IL1RAPL1: variants seen among roughly 807,000 people sequenced by gnomAD.
IL1RAPL1 encodes the protein interleukin-1 receptor accessory protein-like 1.
A neutral mutation model predicts 48.4 loss-of-function variants in IL1RAPL1; 3 were observed. That is an observed-to-expected ratio of 0.06 (90% CI 0.03 to 0.16). The LOEUF (loss-of-function observed/expected upper bound fraction) is 0.16, where lower values mean the gene tolerates loss of function less well. Ranked by LOEUF, IL1RAPL1 falls within the 10% of genes least tolerant of loss-of-function variation. IL1RAPL1 has a pLI of 1.00. For synonymous variants in IL1RAPL1, 185 were observed against 187.7 expected, an observed-to-expected ratio of 0.99 and a Z score of 0.12; for missense variants, 349 against 530.6, an observed-to-expected ratio of 0.66 and a Z score of 3.36.
intron 1 of IL1RAPL1, among the ~76,000 whole-genome samples, chrX:28,728,512 A>T (rs1392194262): frequency 9.0e-6 from 1 of 111,629 alleles, no homozygotes; most frequent in East Asian, 2.8e-4. Flanking sequence ...CTCTAAAAAA[A>T]TTGTTTCTTA....
At chrX:29,340,298 G>A (rs1933055987) in intron 3 of IL1RAPL1, among the ~76,000 whole-genome samples, 1 of 111,140 alleles carries the variant, frequency 9.0e-6, no homozygotes, top group African/African-American at 3.3e-5. Context: ...CTACCCAGGA[G>A]AAGTTGCTGT....
At chrX:28,812,874 T>C (rs752675132) in intron 2 of IL1RAPL1, among the ~76,000 whole-genome samples, 23 of 110,734 alleles carry the variant, frequency 2.1e-4, no homozygotes, top group African/African-American at 7.5e-4. Context: ...CTTGTCACAT[T>C]ACCCAGTTTC....
intron 2 of IL1RAPL1, among the ~76,000 whole-genome samples, chrX:29,085,244 T>A (rs1256071835): frequency 9.0e-6 from 1 of 111,412 alleles, no homozygotes; most frequent in Non-Finnish European, 1.9e-5. Context: ...TTTTGGTCAG[T>A]TGTGAGAAAG....
At chrX:28,619,678 G>A (rs1441510104) in intron 1 of IL1RAPL1, among the ~76,000 whole-genome samples, 1 of 109,801 alleles carries the variant, frequency 9.1e-6, no homozygotes, top group Non-Finnish European at 1.9e-5. Flanking sequence ...CAATGGTTGA[G>A]TGTGTCATAA....
chrX:29,553,629 A>T (rs1240110569), intron 5 of IL1RAPL1, among the ~76,000 whole-genome samples: 1 of 111,535 alleles, frequency 9.0e-6, no homozygotes, highest in Admixed American at 9.6e-5. Flanking sequence ...TTCAGATGGG[A>T]TAAGGCTCTG....
chrX:28,645,616 G>A (rs1934600669), intron 1 of IL1RAPL1, among the ~76,000 whole-genome samples: 1 of 110,711 alleles, frequency 9.0e-6, no homozygotes, highest in Admixed American at 9.7e-5. Context: ...AAGGTAACCC[G>A]GGTCACCATG....
chrX:29,852,668 AT>A lies in IL1RAPL1; in HGVS notation c.779-64789del, dbSNP rs200205187. ...TCATCAGCAACTATCTATATAAACC[AT>A]TTTTTTATAGTCAGTTTTTTCAACA... On this transcript the variant is annotated intron_variant, in intron 6 of 10. Coordinates refer to ENST00000378993, the MANE Select transcript of IL1RAPL1 (RefSeq NM_014271.4). 4.6e-3 allele frequency among the ~76,000 whole-genome samples: 509 copies of A among 111,857 alleles called. 4 individuals are homozygous for A. Among genetic ancestry groups the A allele is most frequent in the African/African-American group, 0.016 (486 of 30,795 alleles).
Position 29,342,119 on chromosome X carries a change from T to TGC in IL1RAPL1, c.363-54138_363-54137insCG, listed in dbSNP as rs1173874512. Among the ~76,000 whole-genome samples, 4 of 92,082 alleles carry TGC rather than the reference T, an allele frequency of 4.3e-5. No homozygotes were observed. The Admixed American group carries it at 4.6e-4, about 11-fold the overall frequency. 80.0% of individuals were successfully genotyped at this position (92,082 alleles called of 115,157 possible). A position where few individuals can be genotyped will look rare whatever the true frequency, so the allele number is the denominator to read the frequency against. On this transcript the variant is annotated intron_variant, in intron 3 of 10. Transcript: ENST00000378993. ...ACTGCACACGGCCTTGTTTTGTGTG[T>TGC]GTGTGTGTGTGTGTGTGTGTGTGTG...
intron 5 of IL1RAPL1, among the ~76,000 whole-genome samples, chrX:29,610,695 G>A (rs1924062412): frequency 8.9e-6 from 1 of 112,351 alleles, no homozygotes; most frequent in African/African-American, 3.2e-5. Flanking sequence ...TTGTGACAGG[G>A]GTGTGACTCG....
At chrX:29,038,987 C>T (rs758533369) in intron 2 of IL1RAPL1, among the ~76,000 whole-genome samples, 3 of 111,533 alleles carry the variant, frequency 2.7e-5, no homozygotes, top group East Asian at 2.8e-4. Flanking sequence ...TACTTATCCC[C>T]GTCTTTAAGA....
chrX:29,214,130 C>G (rs1454031917), intron 2 of IL1RAPL1, among the ~76,000 whole-genome samples: 1 of 111,150 alleles, frequency 9.0e-6, no homozygotes, highest in Non-Finnish European at 1.9e-5. Context: ...AAAATGGTTT[C>G]TATATGTCAA....
intron 5 of IL1RAPL1, among the ~76,000 whole-genome samples, chrX:29,434,439 G>A (rs6628425): frequency 0.47 from 50,854 of 109,181 alleles, 8,694 homozygotes; most frequent in East Asian, 0.78. Context: ...CATTGCTCTC[G>A]TTCCAGTTAG....
At chrX:29,329,373 C>T (rs1287219682) in intron 3 of IL1RAPL1, among the ~76,000 whole-genome samples, 5 of 111,839 alleles carry the variant, frequency 4.5e-5, no homozygotes, top group Non-Finnish European at 9.4e-5. Flanking sequence ...AATGAAAATA[C>T]ATGTTCACAT....
chrX:28,747,404 G>A (rs1935992292), intron 1 of IL1RAPL1, among the ~76,000 whole-genome samples: 1 of 111,221 alleles, frequency 9.0e-6, no homozygotes, highest in African/African-American at 3.3e-5. Flanking sequence ...AGGAGGCTGA[G>A]GCGGGCGGAT....
At chrX:29,662,960 A>T (rs1273837078) in intron 5 of IL1RAPL1, among the ~76,000 whole-genome samples, 2 of 112,163 alleles carry the variant, frequency 1.8e-5, no homozygotes, top group Non-Finnish European at 3.8e-5. Flanking sequence ...AGTGAAAAAT[A>T]GAGCACCCCT....
chrX:29,218,212 A>G (rs774495700), intron 2 of IL1RAPL1, among the ~76,000 whole-genome samples: 33 of 112,186 alleles, frequency 2.9e-4, no homozygotes, highest in African/African-American at 9.4e-4. Flanking sequence ...AAGTTTTTAT[A>G]TAAATATCAA....
intron 2 of IL1RAPL1, among the ~76,000 whole-genome samples, chrX:29,137,911 C>G (rs968591104): frequency 8.9e-5 from 10 of 112,411 alleles, no homozygotes; most frequent in Admixed American, 8.5e-4. Context: ...ATTTGACAAA[C>G]TTAATATATT....
chrX:28,999,844 A>G (rs1370446175), intron 2 of IL1RAPL1, among the ~76,000 whole-genome samples: 1 of 111,884 alleles, frequency 8.9e-6, no homozygotes. Context: ...TGTTATCTAT[A>G]TAGTCAGTAT....
At chrX:28,780,320 AGTGTGTGTGTGTATGTGTGT>A (rs1191014483) in intron 1 of IL1RAPL1, among the ~76,000 whole-genome samples, 5 of 82,660 alleles carry the variant, frequency 6.0e-5, no homozygotes, top group African/African-American at 1.9e-4. Flanking sequence ...TTTCAATCAC[AGTGTGTGTGTGTATGTGTGT>A]GTGTGTGTGT....
Sources: allele counts gnomAD v4.1 joint callset (sites outside exome capture counted in the v4.1 genomes callset), GRCh38; gene constraint gnomAD v4.1.1; transcripts MANE v1.5; gene names NCBI Gene and HGNC (gene_info 2026-07-23, HGNC 2026-07-21).